ELMO1: variants seen among roughly 807,000 people sequenced by gnomAD.
The protein encoded by ELMO1 is engulfment and cell motility protein 1.
ELMO1 carries 26 observed loss-of-function variants against 98.9 expected under a neutral mutation model. The ratio of observed to expected loss-of-function variants is 0.26; its 90% CI spans 0.19 to 0.36. The LOEUF (loss-of-function observed/expected upper bound fraction) is 0.36. ELMO1 is among the 10% of genes least tolerant of loss of function. The probability of loss-of-function intolerance (pLI) is 1.00; values close to 1 mark genes in which losing one functional copy is unlikely to be tolerated. For missense variants in ELMO1, 627 were observed against 935.2 expected (o/e 0.67, Z 4.30); for synonymous variants, 346 against 346.0 (o/e 1.00, Z 0.00).
Position 37,132,853 on chromosome 7 carries a change from G to T in ELMO1, c.1191+277C>A, listed in dbSNP as rs60359064. Among the ~76,000 whole-genome samples, 902 of 152,190 alleles carry T rather than the reference G, an allele frequency of 5.9e-3. 10 individuals are homozygous for T. Among genetic ancestry groups the T allele is most frequent in the African/African-American group, 0.021 (866 of 41,506 alleles). The stretch of plus-strand genomic sequence containing the variant: ...CATTTTTGTTCCTTGTTATTTAAGA[G>T]TTTTTGTCATAATTCAATATTGGAC... On this transcript the variant is annotated intron_variant, in intron 14 of 21. Coordinates refer to ENST00000310758, the MANE Select transcript of ELMO1 (RefSeq NM_014800.11).
At chr7:36,899,982 TG>T (rs1413447775) in intron 16 of ELMO1, among the ~76,000 whole-genome samples, 1 of 152,094 alleles carries the variant, frequency 6.6e-6, no homozygotes, top group East Asian at 1.9e-4. Context: ...AAATTACATA[TG>T]TAAGAAGCTT....
intron 1 of ELMO1, among the ~76,000 whole-genome samples, chr7:37,405,847 G>A (rs1289278732): frequency 3.3e-5 from 5 of 152,172 alleles, no homozygotes; most frequent in Admixed American, 6.5e-5. Flanking sequence ...GGTCAACTCC[G>A]CTGGTCCCAA....
chr7:37,381,619 T>C (rs913447352), intron 1 of ELMO1, among the ~76,000 whole-genome samples: 8 of 152,226 alleles, frequency 5.3e-5, no homozygotes, highest in South Asian at 2.1e-4. Context: ...TGTAAACTTA[T>C]GGAAAAATAA....
intron 4 of ELMO1, among the ~76,000 whole-genome samples, chr7:37,307,494 CT>C: frequency 6.6e-6 from 1 of 152,296 alleles, no homozygotes; most frequent in East Asian, 1.9e-4. Context: ...AACCTCTTTC[CT>C]TTATAAATTA....
intron 16 of ELMO1, among the ~76,000 whole-genome samples, chr7:36,968,410 G>A (rs1789625889): frequency 2.0e-5 from 3 of 152,134 alleles, no homozygotes; most frequent in Admixed American, 2.0e-4. Context: ...GGCAAAGTAT[G>A]ACACTTTGCT....
chr7:37,309,300 C>G (rs1278728619), intron 4 of ELMO1, among the ~76,000 whole-genome samples: 1 of 152,156 alleles, frequency 6.6e-6, no homozygotes, highest in South Asian at 2.1e-4. Flanking sequence ...TTCACTACCA[C>G]GAGAACAGTA....
rs1475867683 is a variant in ELMO1, at chr7:36,853,920, A to G, written c.*1631T>C. ...AATTTATTAACCCACGGTTAGATTTATTTAGTTCTGGCTTATTTCAGGTCT... is the reference window on the plus strand; with the variant it reads ...AATTTATTAACCCACGGTTAGATTTGTTTAGTTCTGGCTTATTTCAGGTCT... On this transcript the variant is annotated 3_prime_UTR_variant, in exon 22 of 22. Coordinates refer to ENST00000310758, the MANE Select transcript of ELMO1 (RefSeq NM_014800.11). Among the ~76,000 whole-genome samples, 1 of 152,186 alleles carries G rather than the reference A, an allele frequency of 6.6e-6. No homozygotes were observed. Among genetic ancestry groups the G allele is most frequent in the African/African-American group, 2.4e-5 (1 of 41,454 alleles).
chr7:37,345,413 T>C (rs997716829), intron 1 of ELMO1, among the ~76,000 whole-genome samples: 1 of 150,988 alleles, frequency 6.6e-6, no homozygotes, highest in Non-Finnish European at 1.5e-5. Flanking sequence ...AGGCAGCACC[T>C]GAGTAAAGAC....
At chr7:36,872,164 C>T (rs1206316290) in intron 19 of ELMO1, among the ~76,000 whole-genome samples, 1 of 152,120 alleles carries the variant, frequency 6.6e-6, no homozygotes, top group African/African-American at 2.4e-5. Context: ...AGGTGGAGGC[C>T]CTCCATTCTG....
At chr7:37,291,881 C>A (rs1478262998) in intron 4 of ELMO1, among the ~76,000 whole-genome samples, 1 of 151,360 alleles carries the variant, frequency 6.6e-6, no homozygotes, top group African/African-American at 2.4e-5. Context: ...CACCACTGCA[C>A]CGCAGCCTGG....
intron 6 of ELMO1, among the ~76,000 whole-genome samples, chr7:37,248,944 C>T (rs1390613078): frequency 2.0e-5 from 3 of 152,220 alleles, no homozygotes. Context: ...GAAAAGGTCA[C>T]ACATAATGGA....
At chr7:37,446,403 A>G (rs1805619731) in intron 1 of ELMO1, among the ~76,000 whole-genome samples, 1 of 152,192 alleles carries the variant, frequency 6.6e-6, no homozygotes, top group African/African-American at 2.4e-5. Flanking sequence ...AGGCCCAGGG[A>G]GTGTCTGGCT....
chr7:37,435,944 C>A (rs1805124259), intron 1 of ELMO1, among the ~76,000 whole-genome samples: 1 of 152,184 alleles, frequency 6.6e-6, no homozygotes, highest in Non-Finnish European at 1.5e-5. Flanking sequence ...ACACAATGAT[C>A]CAGTGTAGCA....
intron 13 of ELMO1, among the ~76,000 whole-genome samples, chr7:37,177,207 T>C (rs1790543172): frequency 6.6e-6 from 1 of 152,216 alleles, no homozygotes; most frequent in South Asian, 2.1e-4. Context: ...GATTTCATTT[T>C]CTGTGCCCTG....
chr7:37,062,173 G>A (rs961112959), intron 15 of ELMO1, among the ~76,000 whole-genome samples: 2 of 152,196 alleles, frequency 1.3e-5, no homozygotes, highest in African/African-American at 4.8e-5. Context: ...GCCTAGAAAT[G>A]CAGTGCAAGT....
intron 15 of ELMO1, among the ~76,000 whole-genome samples, chr7:37,092,528 G>A (rs368164612): frequency 4.0e-5 from 6 of 151,800 alleles, no homozygotes; most frequent in African/African-American, 7.2e-5. Flanking sequence ...ACAGGCACCC[G>A]CCACCATGCC....
chr7:37,239,001 GT>G (rs1289004788), intron 7 of ELMO1, among the ~76,000 whole-genome samples: 3 of 152,010 alleles, frequency 2.0e-5, no homozygotes, highest in African/African-American at 7.2e-5. Context: ...TCTTTGCCAG[GT>G]TTTGGTATCA....
At chr7:37,434,758 T>A (rs1349136523) in intron 1 of ELMO1, among the ~76,000 whole-genome samples, 1 of 152,178 alleles carries the variant, frequency 6.6e-6, no homozygotes, top group Non-Finnish European at 1.5e-5. Context: ...TCCTGCAACA[T>A]CCAAGGTCAG....
chr7:37,135,955 C>A (rs1213459821), intron 13 of ELMO1, among the ~76,000 whole-genome samples: 1 of 151,912 alleles, frequency 6.6e-6, no homozygotes, highest in Non-Finnish European at 1.5e-5. Flanking sequence ...AAGTTGAGGT[C>A]CAATTTAAAG....
Sources: gnomAD v4.1 joint callset for allele counts (sites outside exome capture counted in the v4.1 genomes callset) on GRCh38, gnomAD v4.1.1 for gene constraint, MANE v1.5 for transcripts, NCBI Gene and HGNC (gene_info 2026-07-23, HGNC 2026-07-21) for gene names.